Variants in LINC00237 observed in about 807,000 individuals in gnomAD.
LINC00237 encodes long intergenic non-protein coding RNA 237.
At chr20:21,086,489 A>G (rs1043498319) in intron 3 of LINC00237, among the ~76,000 whole-genome samples, 4 of 148,620 alleles carry the variant, frequency 2.7e-5, no homozygotes, top group African/African-American at 9.9e-5. Context: ...ATATGTATCT[A>G]TATATATAGA....
rs2030722579 is a variant in LINC00237, at chr20:21,087,097, GAGAGAGAC to G, written n.559+839_559+846del. ...CACACCCACACACTATATATGTAGA[GAGAGAGAC>G]AGAAACAGAGATAGAGACAGAGAGA... On this transcript the variant is annotated intron_variant and non_coding_transcript_variant, in intron 3 of 3. Transcript: ENST00000691244. 6.0e-5 allele frequency among the ~76,000 whole-genome samples: 9 copies of G among 149,558 alleles called. No individual in the cohort carries two copies. The South Asian group carries it at 1.9e-3, about 31-fold the overall frequency.
At chr20:21,097,743 A>G (rs1400092680) in intron 1 of LINC00237, among the ~76,000 whole-genome samples, 2 of 152,176 alleles carry the variant, frequency 1.3e-5, no homozygotes, top group Non-Finnish European at 2.9e-5. Context: ...ATTTCCTGTT[A>G]TGCTCAACAA....
At chr20:21,091,995 G>T (rs1346702384) in intron 2 of LINC00237, among the ~76,000 whole-genome samples, 2 of 151,752 alleles carry the variant, frequency 1.3e-5, no homozygotes, top group African/African-American at 4.8e-5. Flanking sequence ...GAGTTCTTTT[G>T]GTTCTTTCCA....
At position 21,089,017 on chromosome 20, in the gene LINC00237, T is replaced by C. The variant is rs751003843; in HGVS notation, n.473-987A>G. Among the ~76,000 whole-genome samples, 4 of 151,914 alleles carry C rather than the reference T, an allele frequency of 2.6e-5. No homozygotes were observed. In the South Asian group the frequency reaches 6.2e-4, roughly 24 times the overall value. On this transcript the variant is annotated intron_variant and non_coding_transcript_variant, in intron 2 of 3. Coordinates refer to ENST00000691244, the Ensembl canonical transcript of LINC00237. ...TTCCTCTTTTTTAGCCATTAAGTAA[T>C]AGGAGACCCCATGAGACACAGGAAT...
intron 2 of LINC00237, among the ~76,000 whole-genome samples, chr20:21,088,854 C>CA (rs990992605): frequency 1.5e-4 from 22 of 148,010 alleles, no homozygotes; most frequent in East Asian, 3.9e-4. Context: ...AAAGCTTTTC[C>CA]AAAAAAAAAA....
At chr20:21,103,068 G>C (rs1028007235) in intron 1 of LINC00237, among the ~76,000 whole-genome samples, 1 of 152,256 alleles carries the variant, frequency 6.6e-6, no homozygotes, top group Non-Finnish European at 1.5e-5. Context: ...GAGTGTAGCG[G>C]CTGGTCTGGC....
At chr20:21,105,273 C>A (rs982322199) in intron 1 of LINC00237, among the ~76,000 whole-genome samples, 1 of 151,522 alleles carries the variant, frequency 6.6e-6, no homozygotes, top group Non-Finnish European at 1.5e-5. Flanking sequence ...GTCTGAACAA[C>A]CCCCCCGTCC....
intron 1 of LINC00237, among the ~76,000 whole-genome samples, chr20:21,105,035 G>C (rs2030980349): frequency 6.6e-6 from 1 of 152,168 alleles, no homozygotes; most frequent in Non-Finnish European, 1.5e-5. Context: ...TTGTCTAGGA[G>C]GAAGGTTCGG....
chr20:21,092,290 G>A (rs2030803492), intron 2 of LINC00237, among the ~76,000 whole-genome samples: 1 of 152,194 alleles, frequency 6.6e-6, no homozygotes, highest in Non-Finnish European at 1.5e-5. Flanking sequence ...GGAACAAAAA[G>A]GAGTGTTTAC....
chr20:21,095,789 C>T (rs2030850752), intron 1 of LINC00237, among the ~76,000 whole-genome samples: 1 of 152,208 alleles, frequency 6.6e-6, no homozygotes. Flanking sequence ...ACCACCAGCA[C>T]CTGTGTTTCA....
intron 1 of LINC00237, among the ~76,000 whole-genome samples, chr20:21,094,105 T>G (rs2030825645): frequency 6.6e-6 from 1 of 152,174 alleles, no homozygotes; most frequent in African/African-American, 2.4e-5. Context: ...GAAGTAGATG[T>G]TTACATCACC....
At chr20:21,097,063 C>CA (rs1331686925) in intron 1 of LINC00237, among the ~76,000 whole-genome samples, 1 of 152,148 alleles carries the variant, frequency 6.6e-6, no homozygotes, top group East Asian at 1.9e-4. Context: ...AGGAAAGAAC[C>CA]ACGGGGCTAG....
At chr20:21,100,256 G>T (rs534366735) in intron 1 of LINC00237, among the ~76,000 whole-genome samples, 1 of 152,342 alleles carries the variant, frequency 6.6e-6, no homozygotes, top group Non-Finnish European at 1.5e-5. Context: ...GGTACAGGGG[G>T]CGGAGGAATC....
chr20:21,096,500 G>T (rs1011003731), intron 1 of LINC00237, among the ~76,000 whole-genome samples: 2 of 152,228 alleles, frequency 1.3e-5, no homozygotes, highest in African/African-American at 2.4e-5. Context: ...AGTTCAGCTG[G>T]TCAGCCGTGT....
At chr20:21,086,884 A>G (rs1245355887) in intron 3 of LINC00237, among the ~76,000 whole-genome samples, 3 of 134,762 alleles carry the variant, frequency 2.2e-5, no homozygotes, top group Non-Finnish European at 4.7e-5. Flanking sequence ...ACTATATAGT[A>G]TATATGTACT....
rs1568883441 is a variant in LINC00237 at position 21,086,656 on chromosome 20, T to TA, written n.560-769_560-768insT. Among the ~76,000 whole-genome samples the TA allele has an allele frequency of 1.1e-4, 12 of 112,240 alleles. No homozygotes were observed. In the East Asian group the frequency reaches 1.4e-3, roughly 13 times the overall value. 73.6% of individuals were successfully genotyped at this position (112,240 alleles called of 152,430 possible). ...TATACTATATATAGTATACTATATA[T>TA]GTATAGTATACTATATATAGTATAC... is the stretch of plus-strand genomic sequence containing the variant. On this transcript the variant is annotated intron_variant and non_coding_transcript_variant, in intron 3 of 3. Coordinates refer to ENST00000691244, the Ensembl canonical transcript of LINC00237.
chr20:21,102,696 G>GAAAA lies in LINC00237; in HGVS notation n.88+3571_88+3574dup, dbSNP rs34351894. On this transcript the variant is annotated intron_variant and non_coding_transcript_variant, in intron 1 of 3. Transcript: ENST00000691244. ...CAAGGAGTTAATTCCTATTTTATAAGAAAAAAAAAAAAAAAAAGGAGGGGG... is the reference window on the plus strand; with the variant it reads ...CAAGGAGTTAATTCCTATTTTATAAGAAAAAAAAAAAAAAAAAAAAAGGAGGGGG... Among the ~76,000 whole-genome samples, 190 of 130,870 alleles carry GAAAA rather than the reference G, an allele frequency of 1.5e-3. 1 individual carries two copies. The highest frequency in any genetic ancestry group is 5.3e-3 in the African/African-American group (187 of 35,392). 85.9% of individuals were successfully genotyped at this position (130,870 alleles called of 152,430 possible). A position where few individuals can be genotyped will look rare whatever the true frequency, so the allele number is the denominator to read the frequency against.
rs6035779 is a variant in LINC00237 at position 21,091,202 on chromosome 20, T to C, written n.472+2267A>G. On this transcript the variant is annotated intron_variant and non_coding_transcript_variant, in intron 2 of 3. Coordinates refer to ENST00000691244, the Ensembl canonical transcript of LINC00237. The stretch of plus-strand genomic sequence containing the variant: ...ACTCACACACACACACCTTTTTTTA[T>C]GGCATCCAGGGTAACCCACACAATT... Among the ~76,000 whole-genome samples the C allele has an allele frequency of 5.6e-3, 859 of 152,190 alleles. 9 individuals carry two copies. Among genetic ancestry groups the C allele is most frequent in the African/African-American group, 0.02 (829 of 41,484 alleles).
chr20:21,089,295 G>T (rs1035675214), intron 2 of LINC00237, among the ~76,000 whole-genome samples: 5 of 151,816 alleles, frequency 3.3e-5, no homozygotes, highest in Admixed American at 2.0e-4. Context: ...TTAAACTGAA[G>T]TGACAATAAC....
Sources: gnomAD v4.1 joint callset for allele counts (sites outside exome capture counted in the v4.1 genomes callset) on GRCh38, gnomAD v4.1.1 for gene constraint, MANE v1.5 for transcripts, NCBI Gene and HGNC (gene_info 2026-07-23, HGNC 2026-07-21) for gene names.